Variants in DNAH9 observed in about 807,000 individuals in gnomAD.
The protein encoded by DNAH9 is dynein axonemal heavy chain 9.
Under a neutral mutation model 471.6 loss-of-function variants are expected in DNAH9, and 345 were observed. That is an observed-to-expected ratio of 0.73 (90% confidence interval 0.67 to 0.80). The LOEUF is 0.80. Among genes scored for constraint, DNAH9 ranks in the 30% least tolerant of loss-of-function variants. The pLI is 0.00. For missense variants in DNAH9, 5,407 were observed against 5,609.2 expected, an observed-to-expected ratio of 0.96 and a Z score of 1.15; for synonymous variants, 2,093 against 2,123.6, an observed-to-expected ratio of 0.99 and a Z score of 0.40.
At chr17:11,906,639 A>G (rs893247739) in intron 61 of DNAH9, among the ~76,000 whole-genome samples, 2 of 151,588 alleles carry the variant, frequency 1.3e-5, no homozygotes, top group Non-Finnish European at 2.9e-5. Context: ...AAAAAAAAAA[A>G]AAAAAAAGAA....
chr17:11,817,521 C>T (rs1196454771), intron 45 of DNAH9, among the ~76,000 whole-genome samples: 2 of 152,156 alleles, frequency 1.3e-5, no homozygotes, highest in Non-Finnish European at 1.5e-5. Context: ...GTCACAAATA[C>T]TCAGCTCTGT....
At chr17:11,719,209 G>A (rs917013474) in intron 26 of DNAH9, 125 bp from the exon 27 acceptor site, 11 of 943,424 alleles carry the variant, frequency 1.2e-5, no homozygotes, top group African/African-American at 1.7e-5. Context: ...TGGGGAGCGG[G>A]AAAAAGGGGC....
intron 67 of DNAH9, among the ~76,000 whole-genome samples, chr17:11,961,601 C>G (rs929151458): frequency 1.3e-5 from 2 of 152,174 alleles, no homozygotes; most frequent in African/African-American, 4.8e-5. Flanking sequence ...TCTTTTGAAA[C>G]ACTGTGAGTA....
At chr17:11,871,284 A>C (rs922784105) in intron 51 of DNAH9, among the ~76,000 whole-genome samples, 3 of 152,232 alleles carry the variant, frequency 2.0e-5, no homozygotes, top group African/African-American at 7.2e-5. Context: ...CTAAATAATA[A>C]ACATACATGA....
intron 1 of DNAH9, among the ~76,000 whole-genome samples, chr17:11,605,097 G>A (rs1166531795): frequency 6.6e-6 from 1 of 152,140 alleles, no homozygotes; most frequent in Non-Finnish European, 1.5e-5. Context: ...TCCTTGATCA[G>A]ACCAAGCATG....
In DNAH9 at chr17:11,768,198, A is replaced by C. The variant is rs535796702; in HGVS notation, c.7171-255A>C. On this transcript the variant is annotated intron_variant, in intron 36 of 68. Transcript: ENST00000262442. ...CCATCTCCACCCTTCAGTGGCTGTA[A>C]GACATGGCAGGACCAGGCTGGCTCA... 2.6e-5 allele frequency among the ~76,000 whole-genome samples: 4 copies of C among 152,260 alleles called. No individual in the cohort carries two copies. In the East Asian group the frequency reaches 7.7e-4, roughly 29 times the overall value.
chr17:11,963,326 C>G (rs1469027942), intron 68 of DNAH9, among the ~76,000 whole-genome samples: 1 of 151,772 alleles, frequency 6.6e-6, no homozygotes, highest in Non-Finnish European at 1.5e-5. Flanking sequence ...CCCAGCTACT[C>G]GGAATGCTGA....
chr17:11,784,016 A>T (rs1968765107), intron 40 of DNAH9, among the ~76,000 whole-genome samples: 1 of 152,108 alleles, frequency 6.6e-6, no homozygotes, highest in Non-Finnish European at 1.5e-5. Flanking sequence ...TCCCAGGGCC[A>T]TATGGATTCT....
At chr17:11,883,229 G>A in intron 55 of DNAH9, 2 of 1,013,670 alleles carry the variant, frequency 2.0e-6, no homozygotes, top group Non-Finnish European at 2.4e-6. Context: ...GAACTCTCCA[G>A]AGAACTAAAA....
intron 53 of DNAH9, among the ~76,000 whole-genome samples, chr17:11,878,301 T>C (rs975605902): frequency 2.0e-5 from 3 of 152,216 alleles, no homozygotes; most frequent in African/African-American, 7.2e-5. Context: ...TTGTATATTA[T>C]TTGAATACAA....
intron 43 of DNAH9, among the ~76,000 whole-genome samples, chr17:11,806,207 CA>C (rs1969675513): frequency 6.6e-6 from 1 of 152,182 alleles, no homozygotes; most frequent in Non-Finnish European, 1.5e-5. Context: ...TCCAATATAG[CA>C]GATCCACCTT....
At chr17:11,614,210 CTT>C (rs35999149) in intron 4 of DNAH9, among the ~76,000 whole-genome samples, 1 of 151,356 alleles carries the variant, frequency 6.6e-6, no homozygotes, top group African/African-American at 2.4e-5. Context: ...TTCAGAGCAT[CTT>C]TTTTTTTATC....
At chr17:11,616,521 T>A (rs930037846) in intron 4 of DNAH9, among the ~76,000 whole-genome samples, 10 of 152,198 alleles carry the variant, frequency 6.6e-5, no homozygotes, top group African/African-American at 2.4e-4. Flanking sequence ...CCAGTGCTGC[T>A]GGATTTCCTA....
chr17:11,627,572 A>G (rs573840837), intron 6 of DNAH9, among the ~76,000 whole-genome samples: 1 of 152,330 alleles, frequency 6.6e-6, no homozygotes, highest in African/African-American at 2.4e-5. Flanking sequence ...AGTCAATTTC[A>G]TTTCCATAAA....
At chr17:11,920,907 G>A (rs1974117545) in intron 61 of DNAH9, among the ~76,000 whole-genome samples, 1 of 152,132 alleles carries the variant, frequency 6.6e-6, no homozygotes, top group South Asian at 2.1e-4. Context: ...TTGGGAGGCC[G>A]AGGTGGGTGG....
rs1260578434 is a variant in DNAH9 at position 11,756,608 on chromosome 17, C to G, written c.6779C>G (p.Pro2260Arg). ...LASNERIPLN[P>R]TMKLLFEISH... ...AGCAATGAGAGGATTCCTCTGAACC[C>G]CACCATGAAGCTCCTCTTTGAGATC... The change falls in exon 34 of 69, where the codon CCC becomes CGC. Residue 2260 changes from proline to arginine, a missense_variant. Coordinates refer to ENST00000262442, the MANE Select transcript of DNAH9 (RefSeq NM_001372.4). The G allele has an allele frequency of 1.9e-6, 3 of 1,613,770 alleles. No homozygotes were observed. In the African/African-American group the frequency reaches 4.0e-5, roughly 22 times the overall value.
Position 11,854,154 on chromosome 17 carries a change from G to A in DNAH9, c.9659G>A (p.Gly3220Asp). The A allele has an allele frequency of 6.2e-7, 1 of 1,614,120 alleles. No individual in the cohort carries two copies. The highest frequency in any genetic ancestry group is 1.1e-5 in the South Asian group (1 of 91,076). Residue 3220 changes from glycine (G) to aspartate (D), a missense_variant, in exon 50 of 69, where the codon GGC (glycine) becomes GAC (aspartate). Physicochemically the swap from Gly to Asp is moderately conservative, Grantham distance 94. Around this residue, in one of 3 missense-constraint regions of DNAH9, gnomAD observed 4,636 missense variants for 4,900.3 expected, o/e 0.95. Transcript: ENST00000262442. ...AAKVTMAKVD[G>D]FLDSLINFNK... ...AAGGTCACCATGGCCAAAGTGGATG[G>A]CTTCCTGGACTCGCTAATAAACTTC... is the stretch of plus-strand genomic sequence containing the variant.
intron 6 of DNAH9, among the ~76,000 whole-genome samples, chr17:11,628,248 C>T (rs1189849222): frequency 6.6e-6 from 1 of 152,214 alleles, no homozygotes; most frequent in Non-Finnish European, 1.5e-5. Flanking sequence ...TAGACGTGCT[C>T]AGGAGGAAGC....
chr17:11,714,597 TGTG>T (rs2074927821), intron 26 of DNAH9, among the ~76,000 whole-genome samples: 1 of 152,178 alleles, frequency 6.6e-6, no homozygotes, highest in African/African-American at 2.4e-5. Flanking sequence ...AAACTGTGAC[TGTG>T]ATGATATTAT....
Sources: allele counts gnomAD v4.1 joint callset (sites outside exome capture counted in the v4.1 genomes callset), GRCh38; gene constraint gnomAD v4.1.1; regional missense constraint gnomAD v4.1.1; transcripts MANE v1.5; gene names NCBI Gene and HGNC (gene_info 2026-07-23, HGNC 2026-07-21).